Variants in RMDN2 observed in about 807,000 individuals in gnomAD.
RMDN2 encodes the protein regulator of microtubule dynamics protein 2.
A neutral mutation model predicts 52.8 loss-of-function variants in RMDN2; 61 were observed. The observed-to-expected ratio is 1.16, with a 90% CI of 0.94 to 1.43. The LOEUF (loss-of-function observed/expected upper bound fraction) is 1.43, where lower values mean the gene tolerates loss of function less well. Ranked by LOEUF, RMDN2 falls within the 40% of genes most tolerant of loss-of-function variation. The pLI is 0.00. For missense variants in RMDN2, 592 were observed against 475.3 expected (o/e 1.25, Z -2.28); for synonymous variants, 180 against 153.1 (o/e 1.18, Z -1.30).
downstream of RMDN2, among the ~76,000 whole-genome samples, chr2:38,021,639 T>A (rs866746631): frequency 6.6e-6 from 1 of 152,152 alleles, no homozygotes; most frequent in Non-Finnish European, 1.5e-5. Context: ...GCTTCATTCT[T>A]GAAGTCAGTG....
intron 10 of RMDN2, among the ~76,000 whole-genome samples, chr2:38,045,547 C>T (rs886960856): frequency 6.6e-6 from 1 of 152,144 alleles, no homozygotes; most frequent in East Asian, 1.9e-4. Context: ...ATCCTCTTCC[C>T]AACCACCCTC....
chr2:37,931,602 A>G (rs1666749614), intron 2 of RMDN2, among the ~76,000 whole-genome samples: 1 of 152,392 alleles, frequency 6.6e-6, no homozygotes, highest in Middle Eastern at 3.4e-3. Context: ...GCTTAGGCTT[A>G]TTCAAGAAGT....
intron 2 of RMDN2, among the ~76,000 whole-genome samples, chr2:37,969,081 TTC>T (rs1227838387): frequency 6.6e-6 from 1 of 151,984 alleles, no homozygotes; most frequent in Non-Finnish European, 1.5e-5. Context: ...AGCGTACATG[TTC>T]TCTTTTGTTG....
chr2:38,004,624 C>G (rs1676805267), intron 10 of RMDN2, among the ~76,000 whole-genome samples: 1 of 152,062 alleles, frequency 6.6e-6, no homozygotes, highest in East Asian at 1.9e-4. Context: ...CAATATCTCC[C>G]CATTTCTCCC....
intron 2 of RMDN2, chr2:37,951,873 A>G: frequency 6.2e-7 from 1 of 1,613,514 alleles, no homozygotes; most frequent in Non-Finnish European, 8.5e-7. Flanking sequence ...TTCTCTTGCA[A>G]GTGATATTTC....
chr2:37,981,696 A>G (rs551356815), intron 5 of RMDN2, among the ~76,000 whole-genome samples: 1 of 152,342 alleles, frequency 6.6e-6, no homozygotes, highest in South Asian at 2.1e-4. Context: ...AAAGCACATC[A>G]ACCATTTCTT....
At chr2:38,063,754 A>T (rs1385481612) in intron 10 of RMDN2, among the ~76,000 whole-genome samples, 1 of 152,196 alleles carries the variant, frequency 6.6e-6, no homozygotes, top group Non-Finnish European at 1.5e-5. Context: ...ATATGAACAG[A>T]CACTTCTCAT....
At chr2:37,962,261 A>T (rs1670340473) in intron 2 of RMDN2, among the ~76,000 whole-genome samples, 1 of 152,202 alleles carries the variant, frequency 6.6e-6, no homozygotes, top group African/African-American at 2.4e-5. Context: ...CAGCAGGCAG[A>T]AACGTTTAAG....
intron 2 of RMDN2, among the ~76,000 whole-genome samples, chr2:37,931,272 A>G (rs538388103): frequency 6.6e-6 from 1 of 152,322 alleles, no homozygotes; most frequent in East Asian, 1.9e-4. Context: ...AAAGAGACCT[A>G]GTAGTTATTT....
chr2:37,927,235 G>T (rs1351080215), intron 1 of RMDN2, among the ~76,000 whole-genome samples: 2 of 152,148 alleles, frequency 1.3e-5, no homozygotes, highest in Non-Finnish European at 2.9e-5. Flanking sequence ...TCACCTCCTT[G>T]TTGATGCTTT....
intron 10 of RMDN2, among the ~76,000 whole-genome samples, chr2:38,047,891 C>T (rs1053726103): frequency 9.2e-5 from 14 of 152,046 alleles, no homozygotes; most frequent in African/African-American, 3.1e-4. Flanking sequence ...GTCTTCATTC[C>T]ACTCCTTCCT....
chr2:37,992,479 G>T (rs1674939464), intron 7 of RMDN2, among the ~76,000 whole-genome samples: 1 of 152,114 alleles, frequency 6.6e-6, no homozygotes, highest in Non-Finnish European at 1.5e-5. Flanking sequence ...TGAGTATACT[G>T]TTAATTTGCT....
chr2:37,959,547 T>G (rs1454963408), intron 2 of RMDN2, among the ~76,000 whole-genome samples: 1 of 151,010 alleles, frequency 6.6e-6, no homozygotes, highest in East Asian at 1.9e-4. Flanking sequence ...CTCTCTTTTC[T>G]TCTTTATTAA....
chr2:38,031,557 A>G (rs989952037), intron 10 of RMDN2, among the ~76,000 whole-genome samples: 1 of 152,144 alleles, frequency 6.6e-6, no homozygotes, highest in Non-Finnish European at 1.5e-5. Context: ...CCTAACTGTC[A>G]CAAATCCCCT....
intron 2 of RMDN2, among the ~76,000 whole-genome samples, chr2:37,967,740 A>T (rs1432002266): frequency 2.0e-5 from 3 of 152,190 alleles, no homozygotes; most frequent in Non-Finnish European, 4.4e-5. Context: ...TTTCAGTGGG[A>T]AATCATTAGG....
At chr2:37,963,395 G>C (rs1451552825) in intron 2 of RMDN2, among the ~76,000 whole-genome samples, 2 of 149,292 alleles carry the variant, frequency 1.3e-5, no homozygotes, top group Non-Finnish European at 3.0e-5. Flanking sequence ...TAGGACAATA[G>C]TGGAGGGAAG....
intron 5 of RMDN2, among the ~76,000 whole-genome samples, chr2:37,988,085 A>G (rs1035666758): frequency 3.9e-5 from 6 of 152,208 alleles, no homozygotes; most frequent in Non-Finnish European, 7.3e-5. Flanking sequence ...AGTGGGGGCT[A>G]TAATGTAGGG....
Position 37,975,366 on chromosome 2 carries a change from A to G in RMDN2, c.730+52A>G, listed in dbSNP as rs776424168. 5.8e-6 allele frequency: 6 copies of G among 1,040,278 alleles called. No homozygotes were observed. In the African/African-American group the frequency reaches 7.9e-5, roughly 14 times the overall value. The allele number at this position is 1,040,278 out of a possible 1,614,324, so 64.4% of individuals were successfully genotyped here. On this transcript the variant is annotated intron_variant, in intron 4 of 10. Transcript: ENST00000354545. ...AAGTAGCAATTAAGATCTATAGTAA[A>G]TCATGCAGCCGTAAAAAAGGATGAG...
At chr2:37,965,169 T>G (rs189862464) in intron 2 of RMDN2, among the ~76,000 whole-genome samples, 1 of 152,302 alleles carries the variant, frequency 6.6e-6, no homozygotes, top group African/African-American at 2.4e-5. Context: ...TCCCAATTTT[T>G]AAAACCCATT....
Sources: gnomAD v4.1 joint callset for allele counts (sites outside exome capture counted in the v4.1 genomes callset) on GRCh38, gnomAD v4.1.1 for gene constraint, MANE v1.5 for transcripts, NCBI Gene and HGNC (gene_info 2026-07-23, HGNC 2026-07-21) for gene names.